Variants in PLB1 observed in about 807,000 individuals in gnomAD.
PLB1 encodes the protein phospholipase B1, membrane-associated.
PLB1 carries 242 observed loss-of-function variants against 227.4 expected under a neutral mutation model. The ratio of observed to expected loss-of-function variants is 1.06; its 90% CI spans 0.96 to 1.18. The LOEUF (loss-of-function observed/expected upper bound fraction) is 1.18. PLB1 is among the 50% of genes most tolerant of loss of function. PLB1 has a pLI of 0.00. For synonymous variants in PLB1, 757 were observed against 682.2 expected, an observed-to-expected ratio of 1.11 and a Z score of -1.71; for missense variants, 1,858 against 1,816.3, an observed-to-expected ratio of 1.02 and a Z score of -0.42.
At chr2:28,552,494 G>C (rs1414143035) in intron 16 of PLB1, among the ~76,000 whole-genome samples, 1 of 152,236 alleles carries the variant, frequency 6.6e-6, no homozygotes, top group Non-Finnish European at 1.5e-5. Flanking sequence ...GCCAGGCACT[G>C]TTCTAGGCTC....
At chr2:28,635,492 A>G (rs1390819203) in intron 56 of PLB1, among the ~76,000 whole-genome samples, 1 of 150,548 alleles carries the variant, frequency 6.6e-6, no homozygotes, top group Non-Finnish European at 1.5e-5. Context: ...TGACCTGGGC[A>G]TGCCACCACC....
intron 46 of PLB1, 37 bp from the exon 47 acceptor site, chr2:28,620,228 A>G: frequency 6.6e-7 from 1 of 1,509,094 alleles, no homozygotes; most frequent in Admixed American, 2.0e-5. Context: ...CCCTCAGCCT[A>G]TACCCCAGCC....
chr2:28,590,114 A>G (rs760395086), intron 29 of PLB1, 38 bp downstream of exon 29: 1 of 1,549,736 alleles, frequency 6.5e-7, no homozygotes, highest in East Asian at 2.2e-5. Context: ...CTCCGGCTGC[A>G]CTGGGCTTCT....
intron 37 of PLB1, 60 bp from the exon 38 acceptor site, chr2:28,601,839 G>A: frequency 7.2e-7 from 1 of 1,387,434 alleles, no homozygotes; most frequent in Non-Finnish European, 1.0e-6. Flanking sequence ...GTTGAGAACT[G>A]CCCCACTGCC....
intron 54 of PLB1, among the ~76,000 whole-genome samples, chr2:28,631,433 A>G (rs1051097248): frequency 2.0e-5 from 3 of 152,158 alleles, no homozygotes; most frequent in Non-Finnish European, 4.4e-5. Context: ...TCTGTACTTG[A>G]TGGGCCCTAA....
chr2:28,566,139 T>TA (rs1676856937), intron 19 of PLB1, among the ~76,000 whole-genome samples: 1 of 152,194 alleles, frequency 6.6e-6, no homozygotes, highest in Non-Finnish European at 1.5e-5. Context: ...ACACCTGCTT[T>TA]AACCTGAGTG....
At position 28,582,412 on chromosome 2, in the gene PLB1, G is replaced by A. The variant is rs148210058; in HGVS notation, c.1640G>A (p.Arg547Gln). The stretch of plus-strand genomic sequence containing the variant: ...GAGTTTGCCTTTTCTCAGGTTCCTC[G>A]GGCATTTGTGAACCTGGTGACGGTG... ...ALDILHAEVP[R>Q]AFVNLVTVLE... The change falls in exon 25 of 58, where the codon CGG (arginine) becomes CAG (glutamine). Residue 547 changes from arginine (R) to glutamine (Q), a missense_variant. Transcript: ENST00000327757. 404 of 1,612,782 alleles carry A rather than the reference G, an allele frequency of 2.5e-4. No individual in the cohort carries two copies. In the African/African-American group the frequency reaches 4.2e-3, roughly 17 times the overall value.
chr2:28,544,534 C>A (rs1223755779), intron 14 of PLB1, among the ~76,000 whole-genome samples: 1 of 152,186 alleles, frequency 6.6e-6, no homozygotes, highest in African/African-American at 2.4e-5. Flanking sequence ...AAGGGGGATA[C>A]AAGAGACCCA....
At chr2:28,534,548 T>C (rs768036299) in intron 9 of PLB1, among the ~76,000 whole-genome samples, 3 of 152,200 alleles carry the variant, frequency 2.0e-5, no homozygotes, top group Non-Finnish European at 2.9e-5. Context: ...TCTCACACTG[T>C]GGGTCAAGAT....
intron 14 of PLB1, among the ~76,000 whole-genome samples, chr2:28,547,584 G>A (rs1267128168): frequency 6.6e-6 from 1 of 152,162 alleles, no homozygotes; most frequent in Admixed American, 6.5e-5. Flanking sequence ...TCCTCATGGA[G>A]GTTGGTAGAA....
intron 1 of PLB1, among the ~76,000 whole-genome samples, chr2:28,506,046 C>T (rs1439121483): frequency 2.6e-5 from 4 of 152,168 alleles, no homozygotes; most frequent in Admixed American, 6.5e-5. Flanking sequence ...TTGTAGATTT[C>T]TAGGACTTTA....
intron 30 of PLB1, 111 bp downstream of exon 30, chr2:28,591,282 G>T (rs1476491908): frequency 1.5e-6 from 2 of 1,349,204 alleles, no homozygotes; most frequent in Admixed American, 3.4e-5. Context: ...TTCTAGATGG[G>T]CATAAAGGCC....
At chr2:28,568,839 GCAC>G (rs1677511611) in intron 20 of PLB1, among the ~76,000 whole-genome samples, 1 of 152,220 alleles carries the variant, frequency 6.6e-6, no homozygotes, top group Non-Finnish European at 1.5e-5. Context: ...AGAACTGCCT[GCAC>G]CAGCAAGTCG....
intron 13 of PLB1, among the ~76,000 whole-genome samples, chr2:28,542,164 G>C (rs1342252297): frequency 1.2e-4 from 18 of 151,138 alleles, no homozygotes; most frequent in Admixed American, 9.9e-4. Flanking sequence ...GAAGAGTGTG[G>C]TGGGGAGGAG....
chr2:28,565,487 T>C, intron 19 of PLB1, 134 bp downstream of exon 19: 1 of 736,674 alleles, frequency 1.4e-6, no homozygotes, highest in South Asian at 2.0e-5. Flanking sequence ...AACTTCTAGG[T>C]TTAATTTGAA....
rs781349182 is a variant in PLB1, at chr2:28,590,028, G to A, written c.2040G>A (p.Thr680=). The A allele has an allele frequency of 9.3e-6, 15 of 1,613,644 alleles. No individual in the cohort carries two copies. The highest frequency in any genetic ancestry group is 1.6e-4 in the Middle Eastern group (1 of 6,084). ...NNMLEPVGQK[T]TRHKFENKIN... The stretch of plus-strand genomic sequence containing the variant: ...AGCTGGAGCCTGTTGGCCAGAAGAC[G>A]ACTCGTCATAAGTTTGAAAACAAGA... Residue 680 remains threonine, a synonymous_variant, in exon 29 of 58, where the codon ACG becomes ACA. Transcript: ENST00000327757.
intron 44 of PLB1, among the ~76,000 whole-genome samples, chr2:28,616,614 A>AC (rs1240755503): frequency 6.6e-6 from 1 of 152,340 alleles, no homozygotes; most frequent in East Asian, 1.9e-4. Context: ...TCTCTGGTTC[A>AC]CCAACTATCT....
At chr2:28,624,505 C>T (rs1687466497) in intron 49 of PLB1, among the ~76,000 whole-genome samples, 1 of 151,814 alleles carries the variant, frequency 6.6e-6, no homozygotes, top group South Asian at 2.1e-4. Context: ...AGAACTAATC[C>T]TGTCCATCCT....
At position 28,643,375 on chromosome 2, in the gene PLB1, G is replaced by A. The variant is rs1690176587; in HGVS notation, c.*314G>A. On this transcript the variant is annotated 3_prime_UTR_variant, in exon 58 of 58. Transcript: ENST00000327757. The stretch of plus-strand genomic sequence containing the variant: ...CCTCCAGCAGGGCTGCCCAAGCCAC[G>A]ACCAACCAGAGCCCAAACTGCCTGC... 1.6e-5 allele frequency: 4 copies of A among 244,692 alleles called. No individual in the cohort carries two copies. Among genetic ancestry groups the A allele is most frequent in the Non-Finnish European group, 3.1e-5 (4 of 127,988 alleles). The allele number at this position is 244,692 out of a possible 1,614,324, so 15.2% of individuals were successfully genotyped here. A position where few individuals can be genotyped will look rare whatever the true frequency, so the allele number is the denominator to read the frequency against.
Sources: allele counts gnomAD v4.1 joint callset (sites outside exome capture counted in the v4.1 genomes callset), GRCh38; gene constraint gnomAD v4.1.1; transcripts MANE v1.5; gene names NCBI Gene and HGNC (gene_info 2026-07-23, HGNC 2026-07-21).